DOCK3: variants seen among roughly 807,000 people sequenced by gnomAD.
DOCK3 encodes the protein dedicator of cytokinesis protein 3.
A neutral mutation model predicts 265.6 loss-of-function variants in DOCK3; 60 were observed. The observed-to-expected ratio is 0.23, with a 90% CI of 0.18 to 0.28. The LOEUF (loss-of-function observed/expected upper bound fraction) is 0.28, where lower values mean the gene tolerates loss of function less well. DOCK3 is among the 10% of genes least tolerant of loss of function. The probability of loss-of-function intolerance (pLI) is 1.00; values close to 1 mark genes in which losing one functional copy is unlikely to be tolerated. For missense variants in DOCK3, 1,981 were observed against 2,594.3 expected, an observed-to-expected ratio of 0.76 and a Z score of 5.14; for synonymous variants, 881 against 938.0, an observed-to-expected ratio of 0.94 and a Z score of 1.11.
chr3:50,703,228 T>A (rs1382278028), intron 1 of DOCK3, among the ~76,000 whole-genome samples: 1 of 152,236 alleles, frequency 6.6e-6, no homozygotes, highest in African/African-American at 2.4e-5. Flanking sequence ...TTTGATGTGT[T>A]ATTATATTTG....
At chr3:51,008,419 G>C (rs1048632250) in intron 5 of DOCK3, among the ~76,000 whole-genome samples, 1 of 152,096 alleles carries the variant, frequency 6.6e-6, no homozygotes, top group Non-Finnish European at 1.5e-5. Flanking sequence ...TCGTGATTTG[G>C]CTCTCTGTTT....
At chr3:51,325,239 A>G (rs1576807198) in intron 32 of DOCK3, among the ~76,000 whole-genome samples, 1 of 152,330 alleles carries the variant, frequency 6.6e-6, no homozygotes, top group African/African-American at 2.4e-5. Flanking sequence ...CCCTATCAAA[A>G]GGTGAGCAAA....
intron 2 of DOCK3, among the ~76,000 whole-genome samples, chr3:50,793,983 T>C (rs1040494775): frequency 1.3e-5 from 2 of 152,236 alleles, no homozygotes; most frequent in African/African-American, 4.8e-5. Flanking sequence ...CTTGATTTCA[T>C]TATTTACCCA....
chr3:51,164,940 CTTTTTTT>C (rs66495824), intron 12 of DOCK3, among the ~76,000 whole-genome samples: 1 of 106,896 alleles, frequency 9.4e-6, no homozygotes, highest in African/African-American at 3.6e-5. Context: ...GTTTAGGAGC[CTTTTTTT>C]TTTTTTTTTT....
At chr3:50,787,318 C>G (rs1426531834) in intron 2 of DOCK3, 3 of 422,168 alleles carry the variant, frequency 7.1e-6, no homozygotes, top group Non-Finnish European at 1.3e-5. Flanking sequence ...GGCTGATCAC[C>G]TGAGGTCAGG....
chr3:51,072,414 A>G (rs530535549), intron 6 of DOCK3, among the ~76,000 whole-genome samples: 5 of 148,136 alleles, frequency 3.4e-5, no homozygotes, highest in East Asian at 2.0e-4. Flanking sequence ...TTCTAATACA[A>G]TTTTTTTTTT....
Position 51,381,458 on chromosome 3 carries a change from G to A in DOCK3, c.5992G>A (p.Glu1998Lys), listed in dbSNP as rs2088638093. 1.2e-6 allele frequency: 2 copies of A among 1,600,042 alleles called. No individual in the cohort carries two copies. Among genetic ancestry groups the A allele is most frequent in the Non-Finnish European group, 1.7e-6 (2 of 1,173,978 alleles). The change falls in exon 53 of 53, where the codon GAG becomes AAG. Residue 1998 changes from glutamate (E) to lysine (K), a missense_variant. Coordinates refer to ENST00000266037, the MANE Select transcript of DOCK3 (RefSeq NM_004947.5). This position sits in a 1 kb window ranked among gnomAD's most constrained non-coding sequence, Gnocchi z 5.6. ...GGGGGTGCTGCTGCGTGAAGAGACT[G>A]AGAGGCCTCGAGGCCTGCACCGCAA... is the stretch of plus-strand genomic sequence containing the variant. ...DEGVLLREET[E>K]RPRGLHRKAP...
intron 6 of DOCK3, among the ~76,000 whole-genome samples, chr3:51,065,446 T>C (rs1019892786): frequency 6.6e-6 from 1 of 152,100 alleles, no homozygotes; most frequent in African/African-American, 2.4e-5. Flanking sequence ...GTAAATCCAT[T>C]ATATGTGGAG....
chr3:51,319,296 G>A (rs191823189), intron 32 of DOCK3, among the ~76,000 whole-genome samples: 16 of 151,772 alleles, frequency 1.1e-4, no homozygotes, highest in African/African-American at 3.6e-4. Flanking sequence ...AATGCCTCCA[G>A]GTCTTTGGGA....
At chr3:50,850,574 G>C (rs1457838232) in intron 3 of DOCK3, among the ~76,000 whole-genome samples, 1 of 152,266 alleles carries the variant, frequency 6.6e-6, no homozygotes, top group South Asian at 2.1e-4. Context: ...CATGGTGCCA[G>C]AATTCTTGCC....
chr3:51,106,743 C>T (rs553584467), intron 9 of DOCK3, among the ~76,000 whole-genome samples: 2 of 152,352 alleles, frequency 1.3e-5, no homozygotes, highest in South Asian at 2.1e-4. Context: ...GCTAACACCA[C>T]CATTGTGCAA....
intron 4 of DOCK3, among the ~76,000 whole-genome samples, chr3:50,910,728 C>T (rs554951492): frequency 2.6e-5 from 4 of 152,282 alleles, no homozygotes; most frequent in African/African-American, 7.2e-5. Context: ...ACTTTGTTCT[C>T]CCTCCCCCAA....
At chr3:50,787,110 G>A (rs2042224464) in intron 2 of DOCK3, 5 of 705,300 alleles carry the variant, frequency 7.1e-6, no homozygotes, top group Non-Finnish European at 1.3e-5. Context: ...TTTATTACAG[G>A]CAACAAACTA....
intron 9 of DOCK3, among the ~76,000 whole-genome samples, chr3:51,118,113 C>T (rs544831632): frequency 6.6e-6 from 1 of 152,308 alleles, no homozygotes; most frequent in South Asian, 2.1e-4. Context: ...AAATTTCTCT[C>T]TAAACACTGC....
chr3:50,713,244 A>G (rs1204634141), intron 1 of DOCK3, among the ~76,000 whole-genome samples: 1 of 152,220 alleles, frequency 6.6e-6, no homozygotes, highest in Non-Finnish European at 1.5e-5. Flanking sequence ...ATCTTTTAGT[A>G]GGACTTTATT....
rs149496512 is a variant in DOCK3 at position 51,053,581 on chromosome 3, C to T, written c.316-10867C>T. 3.9e-3 allele frequency among the ~76,000 whole-genome samples: 592 copies of T among 151,852 alleles called. 6 individuals are homozygous for T. Among genetic ancestry groups the T allele is most frequent in the African/African-American group, 0.013 (559 of 41,408 alleles). On this transcript the variant is annotated intron_variant, in intron 5 of 52. Transcript: ENST00000266037. Reference sequence around the variant, plus strand: ...GGACTACAGGCACCTGCCACCATGCCCGGCTAATTTTTTGTATTTTTAGTA... The same window carrying T: ...GGACTACAGGCACCTGCCACCATGCTCGGCTAATTTTTTGTATTTTTAGTA...
intron 8 of DOCK3, among the ~76,000 whole-genome samples, chr3:51,089,552 G>T (rs1006527002): frequency 2.0e-5 from 3 of 152,130 alleles, no homozygotes; most frequent in Non-Finnish European, 4.4e-5. Context: ...TAACTATTAC[G>T]AGGTAACAGT....
intron 14 of DOCK3, among the ~76,000 whole-genome samples, chr3:51,216,537 T>C (rs2089799687): frequency 6.6e-6 from 1 of 152,232 alleles, no homozygotes; most frequent in Admixed American, 6.5e-5. Flanking sequence ...AAGTAAGGAC[T>C]GGTTCATAGG....
chr3:51,155,354 A>T (rs183653724), intron 10 of DOCK3, among the ~76,000 whole-genome samples: 2 of 152,290 alleles, frequency 1.3e-5, no homozygotes, highest in Admixed American at 6.5e-5. Flanking sequence ...TCTGAACAAG[A>T]TTATCTTAGC....
Sources: allele counts gnomAD v4.1 joint callset (sites outside exome capture counted in the v4.1 genomes callset), GRCh38; gene constraint gnomAD v4.1.1; non-coding constraint Gnocchi (gnomAD v3.1); transcripts MANE v1.5; gene names NCBI Gene and HGNC (gene_info 2026-07-23, HGNC 2026-07-21).